Variants in TEAD1 observed in about 807,000 individuals in gnomAD.
The protein encoded by TEAD1 is transcriptional enhancer factor TEF-1.
A neutral mutation model predicts 54.9 loss-of-function variants in TEAD1; 9 were observed. That is an observed-to-expected ratio of 0.16 (90% CI 0.10 to 0.29). The LOEUF (loss-of-function observed/expected upper bound fraction) is 0.29. TEAD1 is among the 10% of genes least tolerant of loss of function. TEAD1 has a pLI of 1.00. For missense variants in TEAD1, 387 were observed against 535.9 expected, an observed-to-expected ratio of 0.72 and a Z score of 2.74; for synonymous variants, 200 against 187.8, an observed-to-expected ratio of 1.07 and a Z score of -0.53.
intron 2 of TEAD1, among the ~76,000 whole-genome samples, chr11:12,727,872 G>A (rs1311168295): frequency 6.6e-6 from 1 of 152,032 alleles, no homozygotes; most frequent in Non-Finnish European, 1.5e-5. Flanking sequence ...AGTCTCCAAA[G>A]GCCAACAAGG....
chr11:12,839,847 G>C (rs1946986912), intron 3 of TEAD1, among the ~76,000 whole-genome samples: 1 of 152,140 alleles, frequency 6.6e-6, no homozygotes, highest in Non-Finnish European at 1.5e-5. Flanking sequence ...AAGGTAATGT[G>C]GTAAGACTCA....
At position 12,823,522 on chromosome 11, in the gene TEAD1, C is replaced by A. The variant is rs554110559; in HGVS notation, c.203-38728C>A. 4.6e-5 allele frequency: 7 copies of A among 152,320 alleles called. No individual in the cohort carries two copies. In the East Asian group the frequency reaches 5.8e-4, roughly 13 times the overall value. The allele number at this position is 152,320 out of a possible 1,614,324, so 9.4% of individuals were successfully genotyped here. ...GGCATGCTGGGGACCTTCTCAGACACCCTGGCCTCTTTTTCTTTCCATCTG... is the reference window on the plus strand; with the variant it reads ...GGCATGCTGGGGACCTTCTCAGACAACCTGGCCTCTTTTTCTTTCCATCTG... On this transcript the variant is annotated intron_variant, in intron 3 of 12. Transcript: ENST00000527636.
At chr11:12,743,367 C>G (rs1944684178) in intron 2 of TEAD1, among the ~76,000 whole-genome samples, 1 of 152,156 alleles carries the variant, frequency 6.6e-6, no homozygotes, top group Non-Finnish European at 1.5e-5. Context: ...TCTCTTATCC[C>G]CAGACTTTAG....
intron 10 of TEAD1, among the ~76,000 whole-genome samples, chr11:12,906,650 C>T (rs1184618672): frequency 6.6e-6 from 1 of 152,138 alleles, no homozygotes; most frequent in African/African-American, 2.4e-5. Flanking sequence ...TTGTCTGTCA[C>T]CCCGCGAGGA....
At chr11:12,766,297 C>T (rs1294851397) in intron 3 of TEAD1, among the ~76,000 whole-genome samples, 1 of 152,138 alleles carries the variant, frequency 6.6e-6, no homozygotes, top group South Asian at 2.1e-4. Flanking sequence ...GACAGCAGCC[C>T]TGGTGGATTT....
intron 2 of TEAD1, among the ~76,000 whole-genome samples, chr11:12,705,104 A>C (rs1030124669): frequency 6.6e-6 from 1 of 152,244 alleles, no homozygotes; most frequent in Non-Finnish European, 1.5e-5. Flanking sequence ...TACTACTCTT[A>C]AAGCTGAACT....
intron 3 of TEAD1, among the ~76,000 whole-genome samples, chr11:12,767,724 C>T (rs907387773): frequency 1.3e-5 from 2 of 152,134 alleles, no homozygotes; most frequent in Non-Finnish European, 2.9e-5. Flanking sequence ...CTGCTGTGGG[C>T]ACCCTTATGT....
intron 3 of TEAD1, among the ~76,000 whole-genome samples, chr11:12,794,680 G>A (rs745353898): frequency 4.6e-5 from 7 of 152,198 alleles, no homozygotes; most frequent in African/African-American, 7.2e-5. Context: ...AGCCGGGCCT[G>A]TAACTGTTCC....
chr11:12,844,189 TA>T (rs1026774418), intron 3 of TEAD1, among the ~76,000 whole-genome samples: 34 of 152,222 alleles, frequency 2.2e-4, no homozygotes, highest in African/African-American at 8.2e-4. Context: ...TAAATAAATG[TA>T]AATAATTTAG....
chr11:12,885,812 T>C (rs574477018), intron 9 of TEAD1, among the ~76,000 whole-genome samples: 1 of 152,354 alleles, frequency 6.6e-6, no homozygotes, highest in East Asian at 1.9e-4. Flanking sequence ...TTGTTAGTAT[T>C]TGTTGGGCTA....
At chr11:12,702,873 T>C (rs1317525278) in intron 2 of TEAD1, among the ~76,000 whole-genome samples, 1 of 152,186 alleles carries the variant, frequency 6.6e-6, no homozygotes, top group Non-Finnish European at 1.5e-5. Context: ...TATTGCTTTG[T>C]GATTCATTTA....
intron 9 of TEAD1, among the ~76,000 whole-genome samples, chr11:12,898,513 G>A (rs890368066): frequency 1.3e-4 from 20 of 151,710 alleles, no homozygotes; most frequent in Middle Eastern, 3.2e-3. Flanking sequence ...TCCTGCCTCA[G>A]CCTCCCGAGT....
chr11:12,805,150 A>G (rs1164553945), intron 3 of TEAD1, among the ~76,000 whole-genome samples: 9 of 152,256 alleles, frequency 5.9e-5, no homozygotes, highest in African/African-American at 2.2e-4. Flanking sequence ...GTGAAGGTCA[A>G]CAATATAATG....
chr11:12,718,678 GTTCC>G (rs1281738378), intron 2 of TEAD1, among the ~76,000 whole-genome samples: 1 of 152,026 alleles, frequency 6.6e-6, no homozygotes, highest in Non-Finnish European at 1.5e-5. Flanking sequence ...TCTGAATCCA[GTTCC>G]TTCCTTTTCT....
At chr11:12,910,134 A>G (rs1178245823) in intron 10 of TEAD1, among the ~76,000 whole-genome samples, 3 of 152,230 alleles carry the variant, frequency 2.0e-5, no homozygotes, top group Admixed American at 6.5e-5. Flanking sequence ...GGAATTGATC[A>G]TAGATTGAAT....
At chr11:12,902,660 C>T (rs1221450910) in intron 10 of TEAD1, among the ~76,000 whole-genome samples, 3 of 152,146 alleles carry the variant, frequency 2.0e-5, no homozygotes, top group South Asian at 2.1e-4. Flanking sequence ...AACCTGCTAG[C>T]GCTGCGAGTT....
chr11:12,916,049 A>G (rs1948706735), intron 10 of TEAD1, among the ~76,000 whole-genome samples: 1 of 152,116 alleles, frequency 6.6e-6, no homozygotes. Flanking sequence ...TCTGCCCATC[A>G]TTGAAACCGG....
intron 3 of TEAD1, 24 bp from the exon 4 acceptor site, chr11:12,862,226 A>C (rs763099381): frequency 6.2e-7 from 1 of 1,608,260 alleles, no homozygotes. Flanking sequence ...AACCCACCTC[A>C]TGGTAAATTC....
intron 3 of TEAD1, among the ~76,000 whole-genome samples, chr11:12,807,868 T>C (rs1946210279): frequency 6.6e-6 from 1 of 152,188 alleles, no homozygotes; most frequent in East Asian, 1.9e-4. Context: ...CTGTGGTTGC[T>C]GTGTCCCCGC....
Sources: gnomAD v4.1 joint callset for allele counts (sites outside exome capture counted in the v4.1 genomes callset) on GRCh38, gnomAD v4.1.1 for gene constraint, MANE v1.5 for transcripts, NCBI Gene and HGNC (gene_info 2026-07-23, HGNC 2026-07-21) for gene names.